The following PTPRJ variants were observed in gnomAD, a reference collection of about 807,000 sequenced individuals.
PTPRJ encodes receptor-type tyrosine-protein phosphatase eta.
Under a neutral mutation model 141.3 loss-of-function variants are expected in PTPRJ, and 129 were observed. That is an observed-to-expected ratio of 0.91 (90% CI 0.79 to 1.06). The LOEUF is 1.06. Ranked by LOEUF, PTPRJ falls within the 50% of genes least tolerant of loss-of-function variation. The pLI is 0.00. For synonymous variants in PTPRJ, 610 were observed against 640.5 expected (o/e 0.95, Z 0.72); for missense variants, 1,601 against 1,679.7 (o/e 0.95, Z 0.82).
At position 48,163,519 on chromosome 11, in the gene PTPRJ, G is replaced by A. The variant is rs1432474462; in HGVS notation, c.3620G>A (p.Gly1207Asp). The A allele has an allele frequency of 1.9e-6, 3 of 1,613,848 alleles. No individual in the cohort carries two copies. The highest frequency in any genetic ancestry group is 2.5e-6 in the Non-Finnish European group (3 of 1,179,882). Residue 1207 changes from glycine to aspartate, a missense_variant, in exon 23 of 25, where the codon GGT (glycine) becomes GAT (aspartate). Physicochemically the swap from Gly to Asp is moderately conservative, Grantham distance 94. Coordinates refer to ENST00000418331, the MANE Select transcript of PTPRJ (RefSeq NM_002843.4). ...CATTTCACCTCCTGGCCAGACCACG[G>A]TGTTCCCGACACCACTGACCTGCTC... ...QFHFTSWPDH[G>D]VPDTTDLLIN...
intron 1 of PTPRJ, among the ~76,000 whole-genome samples, chr11:48,001,156 G>T (rs907946114): frequency 1.3e-5 from 2 of 151,692 alleles, no homozygotes; most frequent in Admixed American, 6.6e-5. Context: ...ATTACACCTA[G>T]CTAGTTTTTG....
chr11:48,121,308 T>C (rs1856702881), intron 4 of PTPRJ, 42 bp downstream of exon 4: 1 of 1,595,688 alleles, frequency 6.3e-7, no homozygotes, highest in African/African-American at 1.3e-5. Context: ...AACCATTTCT[T>C]ATTATGGTGT....
intron 5 of PTPRJ, 35 bp downstream of exon 5, chr11:48,123,905 T>C (rs1464424680): frequency 6.3e-7 from 1 of 1,577,030 alleles, no homozygotes; most frequent in South Asian, 1.1e-5. Flanking sequence ...TCTCCCTTAC[T>C]GGTTCTTACT....
chr11:48,053,057 T>C (rs1423482567), intron 1 of PTPRJ, among the ~76,000 whole-genome samples: 3 of 139,182 alleles, frequency 2.2e-5, no homozygotes, highest in Non-Finnish European at 4.5e-5. Flanking sequence ...GATATTGTTT[T>C]TTTTTTTCCC....
chr11:48,094,885 G>A lies in PTPRJ; in HGVS notation c.97-15173G>A, dbSNP rs146109979. 2.4e-3 allele frequency among the ~76,000 whole-genome samples: 361 copies of A among 152,252 alleles called. 1 individual carries two copies. The highest frequency in any genetic ancestry group is 4.2e-3 in the Non-Finnish European group (283 of 67,994). ...CTGGCCCCTGTCTTCTAAGTTCTGGGTAGTGATGGGTCTTTGGAGGGGCAG... is the reference window on the plus strand; with the variant it reads ...CTGGCCCCTGTCTTCTAAGTTCTGGATAGTGATGGGTCTTTGGAGGGGCAG... On this transcript the variant is annotated intron_variant, in intron 1 of 24. Transcript: ENST00000418331.
chr11:48,151,387 T>A (rs928396090), intron 18 of PTPRJ, among the ~76,000 whole-genome samples: 1 of 150,894 alleles, frequency 6.6e-6, no homozygotes, highest in African/African-American at 2.4e-5. Context: ...ATAAGGACAC[T>A]AGTCATATGG....
intron 1 of PTPRJ, chr11:48,014,622 C>T (rs577720572): frequency 6.6e-6 from 1 of 152,370 alleles, no homozygotes; most frequent in East Asian, 1.9e-4. Context: ...GGAGCACCTA[C>T]TGTGTATTAG....
chr11:48,072,269 G>T (rs569959989), intron 1 of PTPRJ, among the ~76,000 whole-genome samples: 1 of 152,172 alleles, frequency 6.6e-6, no homozygotes, highest in African/African-American at 2.4e-5. Flanking sequence ...GGGAAGTCTC[G>T]TATCAAGGTG....
At chr11:48,050,045 G>T (rs1854523243) in intron 1 of PTPRJ, among the ~76,000 whole-genome samples, 1 of 152,186 alleles carries the variant, frequency 6.6e-6, no homozygotes, top group African/African-American at 2.4e-5. Context: ...GACACGTGGA[G>T]AATATATAGT....
intron 15 of PTPRJ, among the ~76,000 whole-genome samples, chr11:48,147,888 C>T (rs1857388514): frequency 1.3e-5 from 2 of 152,034 alleles, no homozygotes. Context: ...GCTCTGTCCC[C>T]CAGGCTGGAG....
intron 14 of PTPRJ, 139 bp from the exon 15 acceptor site, chr11:48,146,737 G>T: frequency 4.0e-6 from 2 of 500,490 alleles, no homozygotes; most frequent in Non-Finnish European, 7.4e-6. Context: ...GTGTGCGCCT[G>T]TGTGTGTGTG....
At chr11:48,120,281 C>T (rs140147861) in intron 3 of PTPRJ, among the ~76,000 whole-genome samples, 210 of 152,290 alleles carry the variant, frequency 1.4e-3, no homozygotes, top group Middle Eastern at 3.4e-3. Flanking sequence ...TTTCTCTTTA[C>T]GCTGCTCTGT....
At chr11:48,002,663 T>C (rs1854530447) in intron 1 of PTPRJ, among the ~76,000 whole-genome samples, 1 of 152,164 alleles carries the variant, frequency 6.6e-6, no homozygotes, top group African/African-American at 2.4e-5. Flanking sequence ...TTTTCTTCGT[T>C]GTGATTATTT....
intron 1 of PTPRJ, among the ~76,000 whole-genome samples, chr11:47,990,869 C>A (rs574391933): frequency 6.6e-6 from 1 of 151,946 alleles, no homozygotes; most frequent in Admixed American, 6.6e-5. Flanking sequence ...TTAGTAGAGA[C>A]AGGGTTTCAT....
chr11:48,089,531 A>C (rs920812840), intron 1 of PTPRJ, among the ~76,000 whole-genome samples: 1 of 137,496 alleles, frequency 7.3e-6, no homozygotes, highest in Non-Finnish European at 1.6e-5. Context: ...AAAAAAAAAA[A>C]ACAAAAAAAA....
chr11:48,117,131 G>C (rs141910311), intron 3 of PTPRJ, among the ~76,000 whole-genome samples: 1 of 152,048 alleles, frequency 6.6e-6, no homozygotes, highest in African/African-American at 2.4e-5. Context: ...AAATTAAAAG[G>C]GACATTTAAA....
chr11:48,132,108 T>A, intron 8 of PTPRJ: 4 of 985,336 alleles, frequency 4.1e-6, no homozygotes, highest in Non-Finnish European at 4.8e-6. Flanking sequence ...GCAAAAAGTT[T>A]AAGAACCTCT....
At chr11:48,160,102 T>TG in intron 22 of PTPRJ, 53 bp downstream of exon 22, 2 of 1,592,698 alleles carry the variant, frequency 1.3e-6, no homozygotes, top group East Asian at 2.2e-5. Context: ...TATGTTAATT[T>TG]GGGGGTGATA....
chr11:48,053,663 G>T (rs1446552656), intron 1 of PTPRJ, among the ~76,000 whole-genome samples: 1 of 147,414 alleles, frequency 6.8e-6, no homozygotes, highest in Non-Finnish European at 1.5e-5. Context: ...TGCAACCTCT[G>T]CCTCCCAGGT....
Sources: gnomAD v4.1 joint callset for allele counts (sites outside exome capture counted in the v4.1 genomes callset) on GRCh38, gnomAD v4.1.1 for gene constraint, MANE v1.5 for transcripts, NCBI Gene and HGNC (gene_info 2026-07-23, HGNC 2026-07-21) for gene names.